AGBL1: variants seen among roughly 807,000 people sequenced by gnomAD.
AGBL1 encodes the protein cytosolic carboxypeptidase 4.
A neutral mutation model predicts 118.9 loss-of-function variants in AGBL1; 130 were observed. That is an observed-to-expected ratio of 1.09 (90% CI 0.95 to 1.26). The LOEUF is 1.26. Ranked by LOEUF, AGBL1 falls within the 50% of genes most tolerant of loss-of-function variation. AGBL1 has a pLI of 0.00. For synonymous variants in AGBL1, 555 were observed against 478.9 expected (o/e 1.16, Z -2.08); for missense variants, 1,584 against 1,298.1 (o/e 1.22, Z -3.38).
chr15:86,562,061 C>T (rs763154561), intron 21 of AGBL1, among the ~76,000 whole-genome samples: 37 of 152,150 alleles, frequency 2.4e-4, no homozygotes, highest in Non-Finnish European at 3.8e-4. Context: ...TGGGCTGAAA[C>T]GATGGGGTTT....
intron 21 of AGBL1, among the ~76,000 whole-genome samples, chr15:86,668,309 G>T (rs1001998316): frequency 2.6e-5 from 4 of 152,124 alleles, no homozygotes; most frequent in Admixed American, 6.6e-5. Flanking sequence ...TTTCTACATT[G>T]AACAGTCTAA....
intron 23 of AGBL1, chr15:86,932,884 G>A (rs1156430991): frequency 1.3e-5 from 2 of 151,982 alleles, no homozygotes; most frequent in East Asian, 3.9e-4. Flanking sequence ...AAAATGTTCT[G>A]GTCTTGACTG....
At chr15:86,463,162 T>C (rs2082354758) in intron 18 of AGBL1, among the ~76,000 whole-genome samples, 1 of 152,212 alleles carries the variant, frequency 6.6e-6, no homozygotes. Flanking sequence ...CTCATTGTGG[T>C]TTTGATTTGC....
chr15:86,174,026 T>C (rs2077450008), intron 5 of AGBL1, among the ~76,000 whole-genome samples: 1 of 152,110 alleles, frequency 6.6e-6, no homozygotes, highest in East Asian at 1.9e-4. Context: ...TGTAGATTGC[T>C]TTGGAGTAGT....
At chr15:86,543,755 A>G (rs1045896757) in intron 19 of AGBL1, among the ~76,000 whole-genome samples, 4 of 152,254 alleles carry the variant, frequency 2.6e-5, no homozygotes, top group Admixed American at 6.5e-5. Flanking sequence ...GGATACAGGC[A>G]TCTCACAATG....
At chr15:86,192,352 T>A (rs2077737085) in intron 5 of AGBL1, among the ~76,000 whole-genome samples, 1 of 150,660 alleles carries the variant, frequency 6.6e-6, no homozygotes. Flanking sequence ...ATGTTTTCAA[T>A]AATATATAGT....
intron 23 of AGBL1, among the ~76,000 whole-genome samples, chr15:86,923,960 C>A (rs1466303415): frequency 6.6e-6 from 1 of 152,176 alleles, no homozygotes; most frequent in African/African-American, 2.4e-5. Context: ...GGAGCCATTA[C>A]TCTAGATAAT....
intron 18 of AGBL1, among the ~76,000 whole-genome samples, chr15:86,440,744 T>C (rs148224921): frequency 3.3e-4 from 51 of 152,276 alleles, no homozygotes; most frequent in African/African-American, 1.2e-3. Context: ...GCTATAATAC[T>C]GCAGCACAAA....
At chr15:86,226,739 G>A (rs1016725233) in intron 6 of AGBL1, among the ~76,000 whole-genome samples, 1 of 152,268 alleles carries the variant, frequency 6.6e-6, no homozygotes, top group East Asian at 1.9e-4. Flanking sequence ...TCAGCTTTTA[G>A]AATTTCTAAC....
intron 18 of AGBL1, among the ~76,000 whole-genome samples, chr15:86,401,334 T>C (rs1239744746): frequency 6.6e-6 from 1 of 152,196 alleles, no homozygotes; most frequent in Non-Finnish European, 1.5e-5. Context: ...TTGAATTCCT[T>C]GTAGATTTTA....
At chr15:86,471,625 C>T (rs191914567) in intron 18 of AGBL1, among the ~76,000 whole-genome samples, 81 of 151,896 alleles carry the variant, frequency 5.3e-4, no homozygotes, top group African/African-American at 1.9e-3. Flanking sequence ...ATTTAAATCA[C>T]ATTTCTAATA....
At chr15:86,726,075 G>T (rs1285676048) in intron 22 of AGBL1, among the ~76,000 whole-genome samples, 4 of 152,178 alleles carry the variant, frequency 2.6e-5, no homozygotes, top group Non-Finnish European at 5.9e-5. Flanking sequence ...TACTGTCATA[G>T]GATATAATAG....
intron 22 of AGBL1, among the ~76,000 whole-genome samples, chr15:86,774,971 A>T (rs1379196629): frequency 6.6e-6 from 1 of 152,164 alleles, no homozygotes; most frequent in Non-Finnish European, 1.5e-5. Flanking sequence ...AAGCAAACTC[A>T]TGTTTGTACT....
chr15:86,679,170 A>AT (rs1256983293), intron 22 of AGBL1, among the ~76,000 whole-genome samples: 1 of 152,058 alleles, frequency 6.6e-6, no homozygotes, highest in Non-Finnish European at 1.5e-5. Context: ...TTTTTGGTCT[A>AT]TTGAGTGCTC....
intron 21 of AGBL1, among the ~76,000 whole-genome samples, chr15:86,661,121 T>C (rs1392432156): frequency 6.6e-6 from 1 of 152,124 alleles, no homozygotes; most frequent in Non-Finnish European, 1.5e-5. Flanking sequence ...CGTCCCAAAG[T>C]CCTAATGCAG....
intron 3 of AGBL1, among the ~76,000 whole-genome samples, chr15:86,152,597 A>T (rs2077128653): frequency 6.6e-6 from 1 of 152,226 alleles, no homozygotes. Flanking sequence ...TTCAGGACAT[A>T]GGCACGGGCA....
intron 6 of AGBL1, among the ~76,000 whole-genome samples, chr15:86,240,737 C>T (rs2078628709): frequency 6.6e-6 from 1 of 152,304 alleles, no homozygotes; most frequent in East Asian, 1.9e-4. Flanking sequence ...CAGGACGGCT[C>T]TGAAACAGTA....
chr15:86,122,349 T>A (rs1460108091), intron 1 of AGBL1, among the ~76,000 whole-genome samples: 1 of 152,150 alleles, frequency 6.6e-6, no homozygotes, highest in Non-Finnish European at 1.5e-5. Context: ...ACTTCAAGGA[T>A]TTAAAGAATA....
At chr15:86,689,382 T>C (rs2086121904) in intron 22 of AGBL1, among the ~76,000 whole-genome samples, 1 of 152,162 alleles carries the variant, frequency 6.6e-6, no homozygotes, top group Non-Finnish European at 1.5e-5. Context: ...AGCTAGAATG[T>C]ATAATCCATG....
Sources: gnomAD v4.1 joint callset for allele counts (sites outside exome capture counted in the v4.1 genomes callset) on GRCh38, gnomAD v4.1.1 for gene constraint, MANE v1.5 for transcripts, NCBI Gene and HGNC (gene_info 2026-07-23, HGNC 2026-07-21) for gene names.